The following LRRTM4 variants were observed in gnomAD, a reference collection of about 807,000 sequenced individuals.
LRRTM4 encodes leucine-rich repeat transmembrane neuronal protein 4.
A neutral mutation model predicts 47.6 loss-of-function variants in LRRTM4; 25 were observed. That is an observed-to-expected ratio of 0.53 (90% CI 0.38 to 0.73). The LOEUF (loss-of-function observed/expected upper bound fraction) is 0.73, where lower values mean the gene tolerates loss of function less well. Among genes scored for constraint, LRRTM4 ranks in the 30% least tolerant of loss-of-function variants. The pLI is 0.00. For missense variants in LRRTM4, 638 were observed against 713.4 expected (o/e 0.89, Z 1.20); for synonymous variants, 311 against 269.5 (o/e 1.15, Z -1.51).
chr2:77,286,170 T>C (rs1676652685), intron 3 of LRRTM4, among the ~76,000 whole-genome samples: 1 of 152,076 alleles, frequency 6.6e-6, no homozygotes, highest in African/African-American at 2.4e-5. Flanking sequence ...TCAAGTTGCC[T>C]CAATCTTGCT....
intron 3 of LRRTM4, among the ~76,000 whole-genome samples, chr2:77,445,658 C>T (rs1676023976): frequency 6.6e-6 from 1 of 151,984 alleles, no homozygotes; most frequent in Non-Finnish European, 1.5e-5. Flanking sequence ...TTCACATCTC[C>T]AAACAAAATA....
intron 3 of LRRTM4, among the ~76,000 whole-genome samples, chr2:77,499,445 G>A (rs957619454): frequency 1.3e-5 from 2 of 151,734 alleles, no homozygotes; most frequent in African/African-American, 4.8e-5. Flanking sequence ...AGCTACACCA[G>A]GTGTTAATCT....
intron 3 of LRRTM4, among the ~76,000 whole-genome samples, chr2:76,928,740 CATG>C (rs1674669273): frequency 1.3e-5 from 2 of 152,066 alleles, no homozygotes; most frequent in South Asian, 2.1e-4. Context: ...TTAATCAGTT[CATG>C]ATATTAAAAA....
intron 3 of LRRTM4, among the ~76,000 whole-genome samples, chr2:77,420,220 T>TA (rs1440599502): frequency 6.6e-6 from 1 of 152,202 alleles, no homozygotes; most frequent in Non-Finnish European, 1.5e-5. Context: ...GACCTCACCA[T>TA]AGGGCAGTTT....
At chr2:77,049,157 T>C (rs13405094) in intron 3 of LRRTM4, among the ~76,000 whole-genome samples, 14,510 of 105,898 alleles carry the variant, frequency 0.14, 1,183 homozygotes, top group Admixed American at 0.18. Flanking sequence ...TATATATATA[T>C]ACACACACAC....
At chr2:77,075,914 CAAA>C (rs61718845) in intron 3 of LRRTM4, among the ~76,000 whole-genome samples, 946 of 36,650 alleles carry the variant, frequency 0.026, 2 homozygotes, top group African/African-American at 0.071. Flanking sequence ...GACTCCGTCT[CAAA>C]AAAAAAAAAA....
In LRRTM4 at chr2:77,033,428, T is replaced by TTAG. The variant is rs527878595; in HGVS notation, c.1552-284513_1552-284512insCTA. On this transcript the variant is annotated intron_variant, in intron 3 of 3. Coordinates refer to ENST00000409884, the MANE Select transcript of LRRTM4 (RefSeq NM_001134745.3). ...AAATATGTAAGCAATAAATGCATAG[T>TTAG]TTTTTTTACTCTTAATATATTAATA... Among the ~76,000 whole-genome samples, 20 of 151,832 alleles carry TTAG rather than the reference T, an allele frequency of 1.3e-4. No individual in the cohort carries two copies. In the East Asian group the frequency reaches 3.7e-3, roughly 28 times the overall value.
intron 3 of LRRTM4, among the ~76,000 whole-genome samples, chr2:77,309,728 TA>T (rs1677398545): frequency 4.4e-5 from 6 of 136,104 alleles, no homozygotes; most frequent in Non-Finnish European, 6.4e-5. Flanking sequence ...GATAGATAGA[TA>T]GATATAACAA....
chr2:77,220,188 C>T (rs966023048), intron 3 of LRRTM4, among the ~76,000 whole-genome samples: 3 of 152,070 alleles, frequency 2.0e-5, no homozygotes, highest in Non-Finnish European at 2.9e-5. Flanking sequence ...AGGACATCCA[C>T]ACCAAAAACC....
intron 3 of LRRTM4, among the ~76,000 whole-genome samples, chr2:76,845,173 T>C (rs2103948381): frequency 6.6e-6 from 1 of 152,110 alleles, no homozygotes; most frequent in East Asian, 1.9e-4. Context: ...ATGACACAAC[T>C]GCAAAATGTA....
At chr2:77,024,020 G>C (rs372467621) in intron 3 of LRRTM4, among the ~76,000 whole-genome samples, 3 of 152,108 alleles carry the variant, frequency 2.0e-5, no homozygotes, top group Non-Finnish European at 2.9e-5. Flanking sequence ...TATCATGATC[G>C]GGCGCAAAAG....
chr2:76,959,461 C>G (rs1252388754), intron 3 of LRRTM4, among the ~76,000 whole-genome samples: 1 of 147,474 alleles, frequency 6.8e-6, no homozygotes, highest in South Asian at 2.1e-4. Flanking sequence ...AAAAACACGA[C>G]AGAAATAAAA....
intron 3 of LRRTM4, among the ~76,000 whole-genome samples, chr2:77,294,187 C>T (rs1483654470): frequency 6.6e-6 from 1 of 151,918 alleles, no homozygotes; most frequent in Admixed American, 6.6e-5. Context: ...AGTATATTTT[C>T]TACTTCAGAT....
chr2:77,145,931 A>G (rs1480521992), intron 3 of LRRTM4, among the ~76,000 whole-genome samples: 1 of 152,180 alleles, frequency 6.6e-6, no homozygotes, highest in Non-Finnish European at 1.5e-5. Context: ...AAAATTTAAG[A>G]TCAAAATTTG....
intron 3 of LRRTM4, among the ~76,000 whole-genome samples, chr2:76,917,511 A>G (rs1674293292): frequency 6.6e-6 from 1 of 152,106 alleles, no homozygotes; most frequent in Non-Finnish European, 1.5e-5. Flanking sequence ...CCTATATAGA[A>G]AACTCAGGGA....
chr2:77,097,511 T>A (rs1171772276), intron 3 of LRRTM4, among the ~76,000 whole-genome samples: 2 of 151,928 alleles, frequency 1.3e-5, no homozygotes, highest in African/African-American at 4.8e-5. Flanking sequence ...CAGATCACAG[T>A]CACTGAACAA....
chr2:77,393,831 A>C (rs963965190), intron 3 of LRRTM4, among the ~76,000 whole-genome samples: 4 of 151,994 alleles, frequency 2.6e-5, no homozygotes, highest in African/African-American at 9.7e-5. Context: ...GGTTTAGTAC[A>C]TTGGAGATTA....
At chr2:77,323,598 T>C (rs1030621407) in intron 3 of LRRTM4, among the ~76,000 whole-genome samples, 15 of 152,144 alleles carry the variant, frequency 9.9e-5, no homozygotes, top group Admixed American at 6.6e-5. Context: ...GGCATTGTGC[T>C]AAATGGTTCA....
At chr2:77,516,540 G>A in intron 3 of LRRTM4, 1 of 856,022 alleles carries the variant, frequency 1.2e-6, no homozygotes, top group Non-Finnish European at 1.4e-6. Context: ...TTATATACCA[G>A]CCTTTAAGAG....
Sources: gnomAD v4.1 joint callset for allele counts (sites outside exome capture counted in the v4.1 genomes callset) on GRCh38, gnomAD v4.1.1 for gene constraint, MANE v1.5 for transcripts, NCBI Gene and HGNC (gene_info 2026-07-23, HGNC 2026-07-21) for gene names.